BLTP3B: variants seen among roughly 807,000 people sequenced by gnomAD.
The protein encoded by BLTP3B is bridge-like lipid transfer protein family member 3B.
chr12:100,084,405 C>T, the BLTP3B span: 1 of 1,266,820 alleles, frequency 7.9e-7, no homozygotes, highest in South Asian at 1.4e-5. Flanking sequence ...CACACACACA[C>T]ACACACACAC....
chr12:100,142,036 AACAGGCAC>A, the BLTP3B span, among the ~76,000 whole-genome samples: 1 of 152,236 alleles, frequency 6.6e-6, no homozygotes, highest in Non-Finnish European at 1.5e-5. Context: ...TAACTGTGCA[AACAGGCAC>A]ACCCTCTGAT....
chr12:100,037,828 C>A, the BLTP3B span: 1 of 1,343,806 alleles, frequency 7.4e-7, no homozygotes, highest in Non-Finnish European at 1.0e-6. Flanking sequence ...ATATAGTATC[C>A]AAAGGTATGA....
chr12:100,037,752 T>C, the BLTP3B span: 2 of 1,592,732 alleles, frequency 1.3e-6, no homozygotes, highest in African/African-American at 1.4e-5. Flanking sequence ...TTCTCTTCCA[T>C]GAGCTGAAAT....
the BLTP3B span, among the ~76,000 whole-genome samples, chr12:100,087,108 G>A: frequency 6.0e-5 from 8 of 134,052 alleles, no homozygotes; most frequent in Admixed American, 3.3e-4. Flanking sequence ...GCAGTGAGCC[G>A]AGTTTGAGCC....
the BLTP3B span, among the ~76,000 whole-genome samples, chr12:100,075,921 A>G: frequency 2.0e-5 from 3 of 152,216 alleles, no homozygotes; most frequent in African/African-American, 7.2e-5. Flanking sequence ...CATGGAGACA[A>G]AAAAGGGAAC....
chr12:100,134,254 A>C, the BLTP3B span, among the ~76,000 whole-genome samples: 1 of 152,208 alleles, frequency 6.6e-6, no homozygotes, highest in South Asian at 2.1e-4. Flanking sequence ...TGTCAGACTA[A>C]AACATGTATA....
At chr12:100,049,979 A>T in the BLTP3B span, among the ~76,000 whole-genome samples, 1 of 152,198 alleles carries the variant, frequency 6.6e-6, no homozygotes, top group Non-Finnish European at 1.5e-5. Flanking sequence ...ATACCATGGA[A>T]CCATTAAGCT....
chr12:100,102,645 T>C, the BLTP3B span: 59 of 676,658 alleles, frequency 8.7e-5, 1 homozygote, highest in South Asian at 1.1e-3. Context: ...ATAACTAAAA[T>C]TGTAAAATGT....
At chr12:100,117,142 A>G in the BLTP3B span, among the ~76,000 whole-genome samples, 2 of 152,240 alleles carry the variant, frequency 1.3e-5, no homozygotes, top group Non-Finnish European at 2.9e-5. Context: ...AATTACATAG[A>G]TATTCTAGTC....
the BLTP3B span, among the ~76,000 whole-genome samples, chr12:100,139,186 T>C: frequency 6.6e-6 from 1 of 152,202 alleles, no homozygotes; most frequent in Non-Finnish European, 1.5e-5. Context: ...GGAGAGATGT[T>C]TGGAATACAA....
At chr12:100,103,927 G>T in the BLTP3B span, 5 of 1,600,464 alleles carry the variant, frequency 3.1e-6, no homozygotes, top group Admixed American at 6.9e-5. Context: ...CAGATGGGAT[G>T]TGTTTTCAGT....
At chr12:100,142,335 C>G in the BLTP3B span, among the ~76,000 whole-genome samples, 4 of 152,144 alleles carry the variant, frequency 2.6e-5, no homozygotes, top group Non-Finnish European at 2.9e-5. Context: ...TCCCAGCCCG[C>G]CGCGCTCCGC....
chr12:100,065,600 T>A, the BLTP3B span, among the ~76,000 whole-genome samples: 1 of 152,186 alleles, frequency 6.6e-6, no homozygotes, highest in East Asian at 1.9e-4. Flanking sequence ...TCTCCTGCAG[T>A]ACCCTCAGGC....
At chr12:100,116,983 T>C in the BLTP3B span, among the ~76,000 whole-genome samples, 1 of 152,120 alleles carries the variant, frequency 6.6e-6, no homozygotes, top group Admixed American at 6.6e-5. Context: ...TGAAAGAATC[T>C]GAGCAACAAA....
At chr12:100,119,015 T>C in the BLTP3B span, among the ~76,000 whole-genome samples, 11 of 151,930 alleles carry the variant, frequency 7.2e-5, no homozygotes, top group African/African-American at 2.7e-4. Context: ...GGCAGGAGAA[T>C]TGCTTGAACT....
the BLTP3B span, among the ~76,000 whole-genome samples, chr12:100,070,860 G>A: frequency 1.3e-5 from 2 of 151,976 alleles, no homozygotes; most frequent in African/African-American, 2.4e-5. Context: ...ACAAAAATCA[G>A]CCAGATGTGG....
the BLTP3B span, among the ~76,000 whole-genome samples, chr12:100,133,115 G>T: frequency 6.6e-6 from 1 of 152,042 alleles, no homozygotes; most frequent in African/African-American, 2.4e-5. Flanking sequence ...GGTGGTGGGT[G>T]CCTGTAGTCC....
At chr12:100,089,579 C>A in the BLTP3B span, among the ~76,000 whole-genome samples, 1 of 151,684 alleles carries the variant, frequency 6.6e-6, no homozygotes, top group South Asian at 2.1e-4. Context: ...AAAACAAAAA[C>A]AAAAAAACAA....
the BLTP3B span, chr12:100,083,213 C>A: frequency 1.0e-6 from 1 of 978,976 alleles, no homozygotes; most frequent in Non-Finnish European, 1.6e-6. Context: ...AGGCAGGTAC[C>A]AGAAATATAT....
Sources: gnomAD v4.1 joint callset for allele counts (sites outside exome capture counted in the v4.1 genomes callset) on GRCh38, gnomAD v4.1.1 for gene constraint, MANE v1.5 for transcripts, NCBI Gene and HGNC (gene_info 2026-07-23, HGNC 2026-07-21) for gene names.